The following HYCC2 variants were observed in gnomAD, a reference collection of about 807,000 sequenced individuals.
HYCC2 encodes the protein hyccin PI4KA lipid kinase complex subunit 2, also known as hyccin 2.
At chr2:201,050,337 C>T in the HYCC2 span, among the ~76,000 whole-genome samples, 2 of 151,550 alleles carry the variant, frequency 1.3e-5, no homozygotes, top group African/African-American at 4.8e-5. Context: ...CCAAATAGCC[C>T]CAAAGCAAAT....
chr2:201,000,720 T>C, the HYCC2 span, among the ~76,000 whole-genome samples: 58 of 152,198 alleles, frequency 3.8e-4, no homozygotes, highest in Admixed American at 2.0e-4. Context: ...CCTAGGTATA[T>C]ACTAAAAAGA....
the HYCC2 span, among the ~76,000 whole-genome samples, chr2:201,004,743 C>G: frequency 1.1e-3 from 171 of 152,244 alleles, 2 homozygotes; most frequent in Non-Finnish European, 2.4e-4. Flanking sequence ...TGGCCGGGTG[C>G]AGTGGCTCAC....
At chr2:201,013,947 G>A in the HYCC2 span, among the ~76,000 whole-genome samples, 1 of 152,046 alleles carries the variant, frequency 6.6e-6, no homozygotes, top group African/African-American at 2.4e-5. Flanking sequence ...AAGAATATAT[G>A]GATGACTCCC....
At chr2:200,974,545 C>T in the HYCC2 span, 1 of 151,886 alleles carries the variant, frequency 6.6e-6, no homozygotes, top group Non-Finnish European at 1.5e-5. Context: ...TCTCTCAATT[C>T]AGTATGGATG....
chr2:201,052,884 T>C, the HYCC2 span, among the ~76,000 whole-genome samples: 9 of 152,120 alleles, frequency 5.9e-5, no homozygotes, highest in Non-Finnish European at 1.2e-4. Flanking sequence ...CCCTCTCTAG[T>C]AGTCAAACGA....
chr2:200,983,428 A>G, the HYCC2 span, among the ~76,000 whole-genome samples: 3 of 152,200 alleles, frequency 2.0e-5, no homozygotes, highest in Non-Finnish European at 2.9e-5. Context: ...TTACTTAGCT[A>G]TATTTACTCA....
chr2:201,050,599 GAA>G, the HYCC2 span, among the ~76,000 whole-genome samples: 1 of 71,634 alleles, frequency 1.4e-5, no homozygotes, highest in African/African-American at 5.1e-5. Context: ...CTCAAAAAAA[GAA>G]AAAAAAAAAA....
At chr2:201,031,389 T>G in the HYCC2 span, among the ~76,000 whole-genome samples, 1 of 152,166 alleles carries the variant, frequency 6.6e-6, no homozygotes, top group African/African-American at 2.4e-5. Flanking sequence ...CAGTGGCTCA[T>G]GCCTATAACC....
chr2:200,987,370 G>A, the HYCC2 span: 1 of 1,289,610 alleles, frequency 7.8e-7, no homozygotes, highest in Non-Finnish European at 1.0e-6. Flanking sequence ...CCTACCCTCT[G>A]TTGTGGCTGT....
the HYCC2 span, chr2:201,024,020 C>G: frequency 6.2e-6 from 10 of 1,608,584 alleles, no homozygotes; most frequent in Non-Finnish European, 8.5e-6. Flanking sequence ...TTTCTTTTAC[C>G]TTCTACTCCT....
the HYCC2 span, chr2:201,024,043 A>G: frequency 1.3e-6 from 2 of 1,555,412 alleles, no homozygotes; most frequent in Non-Finnish European, 1.8e-6. Context: ...TTTATCTCTA[A>G]AAGAAAAAAG....
At chr2:201,006,915 A>G in the HYCC2 span, among the ~76,000 whole-genome samples, 1 of 152,248 alleles carries the variant, frequency 6.6e-6, no homozygotes, top group African/African-American at 2.4e-5. Context: ...AATTTCTATG[A>G]CAAATAGTGC....
chr2:201,050,404 T>C, the HYCC2 span, among the ~76,000 whole-genome samples: 1 of 152,072 alleles, frequency 6.6e-6, no homozygotes, highest in African/African-American at 2.4e-5. Flanking sequence ...CAAGTAAAGA[T>C]GGTTTCACTA....
At chr2:201,031,562 A>T in the HYCC2 span, among the ~76,000 whole-genome samples, 1 of 152,172 alleles carries the variant, frequency 6.6e-6, no homozygotes, top group African/African-American at 2.4e-5. Context: ...GAGGCAGGAG[A>T]GTCACTTCAA....
the HYCC2 span, among the ~76,000 whole-genome samples, chr2:201,034,894 G>A: frequency 1.3e-5 from 2 of 152,142 alleles, no homozygotes; most frequent in South Asian, 4.1e-4. Context: ...ATTCTGGGTT[G>A]AAAATTCTTT....
At chr2:201,001,578 C>T in the HYCC2 span, among the ~76,000 whole-genome samples, 1 of 152,168 alleles carries the variant, frequency 6.6e-6, no homozygotes, top group Non-Finnish European at 1.5e-5. Flanking sequence ...AGAAGCCATA[C>T]ACAAAAGGCA....
the HYCC2 span, among the ~76,000 whole-genome samples, chr2:201,013,211 G>A: frequency 6.6e-6 from 1 of 151,892 alleles, no homozygotes; most frequent in African/African-American, 2.4e-5. Context: ...GCTCACGCCT[G>A]TAATCCCAGC....
At chr2:201,059,379 A>G in the HYCC2 span, among the ~76,000 whole-genome samples, 1 of 152,220 alleles carries the variant, frequency 6.6e-6, no homozygotes. Context: ...AATCCAAGTT[A>G]TAGATGGGAA....
chr2:200,983,797 G>T, the HYCC2 span, among the ~76,000 whole-genome samples: 3,463 of 152,126 alleles, frequency 0.023, 143 homozygotes, highest in African/African-American at 0.08. Flanking sequence ...GTATCATTAG[G>T]TATATTTATT....
Sources: gnomAD v4.1 joint callset for allele counts (sites outside exome capture counted in the v4.1 genomes callset) on GRCh38, gnomAD v4.1.1 for gene constraint, MANE v1.5 for transcripts, NCBI Gene and HGNC (gene_info 2026-07-23, HGNC 2026-07-21) for gene names.